SYNE1: variants seen among roughly 807,000 people sequenced by gnomAD.
SYNE1 encodes nesprin-1.
A neutral mutation model predicts 1,111.0 loss-of-function variants in SYNE1; 616 were observed. The ratio of observed to expected loss-of-function variants is 0.55; its 90% CI spans 0.52 to 0.59. SYNE1 has a LOEUF of 0.59. Among genes scored for constraint, SYNE1 ranks in the 20% least tolerant of loss-of-function variants. SYNE1 has a pLI of 0.00. For missense variants in SYNE1, 10,006 were observed against 10,417.0 expected, an observed-to-expected ratio of 0.96 and a Z score of 1.72; for synonymous variants, 3,855 against 3,825.8, an observed-to-expected ratio of 1.01 and a Z score of -0.28.
chr6:152,176,011 G>A (rs924667682), intron 130 of SYNE1, among the ~76,000 whole-genome samples: 1 of 140,516 alleles, frequency 7.1e-6, no homozygotes, highest in Non-Finnish European at 1.5e-5. Flanking sequence ...CAGAGATTTA[G>A]TAATTTTTTT....
At chr6:152,295,984 C>T (rs1231574389) in intron 93 of SYNE1, among the ~76,000 whole-genome samples, 1 of 152,212 alleles carries the variant, frequency 6.6e-6, no homozygotes, top group African/African-American at 2.4e-5. Context: ...AATGCACTTG[C>T]ACACACAGGC....
At chr6:152,408,900 G>A (rs2097953699) in intron 44 of SYNE1, among the ~76,000 whole-genome samples, 168 bp downstream of exon 44, 1 of 151,626 alleles carries the variant, frequency 6.6e-6, no homozygotes. Context: ...GTTGCGGTGA[G>A]CTGAGATTGC....
intron 71 of SYNE1, 82 bp from the exon 72 acceptor site, chr6:152,350,417 C>T (rs1229327490): frequency 3.8e-6 from 6 of 1,589,156 alleles, no homozygotes; most frequent in Non-Finnish European, 5.2e-6. Flanking sequence ...AAACCCAGTG[C>T]AACTCACAGG....
chr6:152,589,685 G>A (rs535700632), intron 3 of SYNE1, among the ~76,000 whole-genome samples: 10 of 152,246 alleles, frequency 6.6e-5, no homozygotes, highest in Admixed American at 6.5e-4. Context: ...CTCCCCTTTA[G>A]AGAGGCAGCA....
chr6:152,245,206 G>A (rs1204656388), intron 105 of SYNE1, among the ~76,000 whole-genome samples: 1 of 152,212 alleles, frequency 6.6e-6, no homozygotes, highest in Non-Finnish European at 1.5e-5. Context: ...TTCCCAGTGT[G>A]AGGTCTGTAG....
intron 67 of SYNE1, 98 bp downstream of exon 67, chr6:152,354,561 C>G: frequency 6.8e-7 from 1 of 1,477,412 alleles, no homozygotes. Flanking sequence ...TTTTGCAAAG[C>G]CTAAGCTTTG....
chr6:152,352,073 G>A lies in SYNE1; in HGVS notation c.11534C>T (p.Pro3845Leu). The A allele has an allele frequency of 6.2e-7, 1 of 1,614,056 alleles. No homozygotes were observed. The highest frequency in any genetic ancestry group is 8.5e-7 in the Non-Finnish European group (1 of 1,180,028). ...TTTTTTCTCATATAATTCCATTTTG[G>A]GTTCTTCAGGAACATGTAGAATTTC... ...YQEILHVPEE[P>L]KMELYEKKAQ... is the part of the protein sequence containing the mutation. Residue 3845 changes from proline to leucine, a missense_variant, in exon 70 of 146, where the codon CCC becomes CTC. Pro to Leu is a moderately conservative substitution (Grantham distance 98). Coordinates refer to ENST00000367255, the MANE Select transcript of SYNE1 (RefSeq NM_182961.4).
chr6:152,606,665 T>TTGTTTGTTTTTG (rs373916515), intron 3 of SYNE1, among the ~76,000 whole-genome samples: 1 of 152,184 alleles, frequency 6.6e-6, no homozygotes. Flanking sequence ...GTTTGTTTTT[T>TTGTTTGTTTTTG]GAGACGGAGC....
intron 131 of SYNE1, among the ~76,000 whole-genome samples, chr6:152,163,264 G>A (rs989925926): frequency 7.9e-5 from 12 of 152,162 alleles, no homozygotes; most frequent in African/African-American, 2.7e-4. Flanking sequence ...TTGTGAGGCC[G>A]AGGGTGGGCA....
chr6:152,337,991 AC>A (rs1207730774), intron 75 of SYNE1, among the ~76,000 whole-genome samples: 1 of 151,940 alleles, frequency 6.6e-6, no homozygotes, highest in African/African-American at 2.4e-5. Context: ...CTACTAAAAT[AC>A]CAAAAAGTAG....
intron 98 of SYNE1, among the ~76,000 whole-genome samples, chr6:152,274,368 C>G (rs575860111): frequency 6.6e-6 from 1 of 152,024 alleles, no homozygotes; most frequent in Non-Finnish European, 1.5e-5. Flanking sequence ...CTCTTCATAT[C>G]TTTTGTCCAT....
Position 152,498,776 on chromosome 6 carries a change from A to G in SYNE1, c.905T>C (p.Phe302Ser). The G allele has an allele frequency of 6.4e-7, 1 of 1,556,842 alleles. No homozygotes were observed. The highest frequency in any genetic ancestry group is 8.8e-7 in the Non-Finnish European group (1 of 1,140,786). Reference protein sequence around the residue: ...GQEDDEILPGFPSFANSVQNF... With the variant: ...GQEDDEILPGSPSFANSVQNF... ...TTGTACAGAATTTGCAAAAGATGGG[A>G]AACCTGGAAGTATTTCCTAACAATA... is the stretch of plus-strand genomic sequence containing the variant. The change falls in exon 11 of 146, where the codon TTC (phenylalanine) becomes TCC (serine). Residue 302 changes from phenylalanine to serine, a missense_variant. By Grantham distance (155) the Phe-to-Ser change is radical (BLOSUM62 -2). Coordinates refer to ENST00000367255, the MANE Select transcript of SYNE1 (RefSeq NM_182961.4).
chr6:152,455,806 C>G (rs576256814), intron 23 of SYNE1, 80 bp downstream of exon 23: 4 of 1,601,354 alleles, frequency 2.5e-6, no homozygotes, highest in Non-Finnish European at 3.4e-6. Context: ...TTAGCAAGAC[C>G]AAAAGCACGA....
chr6:152,136,061 A>T (rs1257312952), intron 141 of SYNE1, among the ~76,000 whole-genome samples: 1 of 152,092 alleles, frequency 6.6e-6, no homozygotes, highest in Non-Finnish European at 1.5e-5. Context: ...TTCCCTGACT[A>T]CCCTCTCAAA....
Position 152,148,271 on chromosome 6 carries a change from A to C in SYNE1, c.24750T>G (p.Ser8250=), listed in dbSNP as rs1224995848. ...GGGAGAGATTGGAGGAAGGCTGTGG[A>C]GAAAGCAGGCTGTCTGCAGAGCGGT... ...WHDRSADSLL[S]PQPSSNLSLS... Residue 8250 remains serine (S), a synonymous_variant, in exon 137 of 146, where the codon TCT becomes TCG. Transcript: ENST00000367255. This position sits in a 1 kb window ranked among gnomAD's most constrained non-coding sequence, Gnocchi z 4.1. 9.3e-6 allele frequency: 15 copies of C among 1,613,532 alleles called. No individual in the cohort carries two copies. Among genetic ancestry groups the C allele is most frequent in the African/African-American group, 4.0e-5 (3 of 74,922 alleles).
At position 152,352,031 on chromosome 6, in the gene SYNE1, T is replaced by C. The variant is rs949126366; in HGVS notation, c.11576A>G (p.Tyr3859Cys). 2.5e-6 allele frequency: 4 copies of C among 1,613,826 alleles called. No homozygotes were observed. The highest frequency in any genetic ancestry group is 1.7e-4 in the Middle Eastern group (1 of 6,050). Residue 3859 changes from tyrosine (Y) to cysteine (C), a missense_variant, in exon 70 of 146, where the codon TAC (tyrosine) becomes TGC (cysteine). By Grantham distance (194) the Tyr-to-Cys change is radical (BLOSUM62 -2). Transcript: ENST00000367255. ...GTCAATGAGTAAACACACTACCTTG[T>C]ATTTAGATAACTGAGCTTTTTTCTC... Reference protein sequence around the residue: ...LYEKKAQLSKYKSLQQTVLSH... With the variant: ...LYEKKAQLSKCKSLQQTVLSH...
chr6:152,430,108 T>A lies in SYNE1; in HGVS notation c.4788+4A>T. On this transcript the variant is annotated splice_donor_region_variant and intron_variant, in intron 36 of 145. Coordinates refer to ENST00000367255, the MANE Select transcript of SYNE1 (RefSeq NM_182961.4). ...ATAGTAGAAATGTTGAAGCATACTC[T>A]TACCATATGTTCTTGAAGAACTTTG... 6.4e-7 allele frequency: 1 copy of A among 1,572,492 alleles called. No individual in the cohort carries two copies. Among genetic ancestry groups the A allele is most frequent in the South Asian group, 1.1e-5 (1 of 88,454 alleles).
At position 152,293,786 on chromosome 6, in the gene SYNE1, G is replaced by C. The variant is rs375771928; in HGVS notation, c.17851-37C>G. 9.9e-6 allele frequency: 16 copies of C among 1,613,470 alleles called. No individual in the cohort carries two copies. In the African/African-American group the frequency reaches 2.1e-4, roughly 22 times the overall value. ...AAGGGATATTACCAAATGCTTCCCA[G>C]CCCCTTATCTTTCAGATTACAACAT... On this transcript the variant is annotated intron_variant, in intron 94 of 145. Coordinates refer to ENST00000367255, the MANE Select transcript of SYNE1 (RefSeq NM_182961.4).
At chr6:152,346,925 C>T (rs1282667751) in intron 73 of SYNE1, 134 bp downstream of exon 73, 11 of 1,022,796 alleles carry the variant, frequency 1.1e-5, no homozygotes, top group African/African-American at 6.5e-5. Flanking sequence ...AATTTATCCT[C>T]GTATTTCCTG....
Sources: gnomAD v4.1 joint callset for allele counts (sites outside exome capture counted in the v4.1 genomes callset) on GRCh38, gnomAD v4.1.1 for gene constraint, Gnocchi (gnomAD v3.1) non-coding constraint, MANE v1.5 for transcripts, NCBI Gene and HGNC (gene_info 2026-07-23, HGNC 2026-07-21) for gene names.